The following ANKRD6 variants were observed in gnomAD, a reference collection of about 807,000 sequenced individuals.
ANKRD6 encodes the protein ankyrin repeat domain 6, also known as ankyrin repeat domain-containing protein 6.
In ANKRD6, 56 loss-of-function variants were observed where a neutral mutation model predicts 82.3. That is an observed-to-expected ratio of 0.68 (90% CI 0.55 to 0.85). The LOEUF is 0.85. Among genes scored for constraint, ANKRD6 ranks in the 40% least tolerant of loss-of-function variants. The pLI is 0.00. For missense variants in ANKRD6, 852 were observed against 907.6 expected (o/e 0.94, Z 0.79); for synonymous variants, 347 against 352.1 (o/e 0.99, Z 0.16).
intron 12 of ANKRD6, 194 bp from the exon 13 acceptor site, chr6:89,624,345 C>G: frequency 1.4e-6 from 1 of 712,776 alleles, no homozygotes; most frequent in Non-Finnish European, 2.3e-6. Context: ...GGGACCATAT[C>G]TTACCCTCTG....
intron 2 of ANKRD6, among the ~76,000 whole-genome samples, chr6:89,584,367 T>C (rs1420044374): frequency 6.6e-6 from 1 of 152,252 alleles, no homozygotes. Flanking sequence ...CAGGTGGTCT[T>C]ATTGGCGAAT....
chr6:89,543,670 T>C (rs1166332284), intron 1 of ANKRD6, among the ~76,000 whole-genome samples: 1 of 152,190 alleles, frequency 6.6e-6, no homozygotes, highest in African/African-American at 2.4e-5. Flanking sequence ...TGCAGGCTCC[T>C]TCCTCAACAA....
At chr6:89,442,786 G>T (rs1046155352) in intron 1 of ANKRD6, among the ~76,000 whole-genome samples, 2 of 152,168 alleles carry the variant, frequency 1.3e-5, no homozygotes, top group South Asian at 4.1e-4. Flanking sequence ...TACGATAAGG[G>T]GTTGTGGAGA....
At chr6:89,542,416 GTTA>G (rs1164595945) in intron 1 of ANKRD6, among the ~76,000 whole-genome samples, 1 of 152,128 alleles carries the variant, frequency 6.6e-6, no homozygotes, top group Non-Finnish European at 1.5e-5. Flanking sequence ...TTCTAATCCT[GTTA>G]TTCCTCTTTC....
intron 2 of ANKRD6, among the ~76,000 whole-genome samples, chr6:89,571,413 CTT>C (rs1242128914): frequency 6.6e-6 from 1 of 152,006 alleles, no homozygotes; most frequent in Admixed American, 6.6e-5. Flanking sequence ...TATTAAATGT[CTT>C]TTTATATGCT....
intron 2 of ANKRD6, among the ~76,000 whole-genome samples, chr6:89,580,883 T>C (rs1403358724): frequency 2.0e-5 from 3 of 152,218 alleles, no homozygotes; most frequent in Non-Finnish European, 4.4e-5. Flanking sequence ...TACAAGGTGG[T>C]TGGTCAGGTG....
chr6:89,510,235 A>G (rs1780368566), intron 1 of ANKRD6, among the ~76,000 whole-genome samples: 1 of 152,216 alleles, frequency 6.6e-6, no homozygotes, highest in African/African-American at 2.4e-5. Context: ...AAATCAACTT[A>G]TGTTATTTAG....
chr6:89,611,522 A>AT (rs143557166), intron 5 of ANKRD6, among the ~76,000 whole-genome samples: 5,583 of 152,152 alleles, frequency 0.037, 156 homozygotes, highest in South Asian at 0.13. Flanking sequence ...ATGTCCTGCA[A>AT]TTTTTTCCTG....
intron 1 of ANKRD6, among the ~76,000 whole-genome samples, chr6:89,493,548 T>G (rs1394829362): frequency 6.6e-6 from 1 of 152,178 alleles, no homozygotes; most frequent in Admixed American, 6.5e-5. Flanking sequence ...TAGCTGGGAC[T>G]ACAGGCATGC....
At chr6:89,600,553 T>G (rs1003981415) in intron 3 of ANKRD6, among the ~76,000 whole-genome samples, 13 of 152,066 alleles carry the variant, frequency 8.5e-5, no homozygotes, top group Non-Finnish European at 1.8e-4. Flanking sequence ...CTGTAAGAAG[T>G]GGAAATCTAA....
intron 4 of ANKRD6, among the ~76,000 whole-genome samples, chr6:89,604,448 CA>C (rs1383734235): frequency 6.8e-6 from 1 of 147,312 alleles, no homozygotes; most frequent in Non-Finnish European, 1.5e-5. Context: ...CAATTAAGTG[CA>C]ATTCAGCCTC....
At chr6:89,602,923 CTG>C in intron 3 of ANKRD6, 104 bp from the exon 4 acceptor site, 1 of 915,108 alleles carries the variant, frequency 1.1e-6, no homozygotes, top group Non-Finnish European at 1.7e-6. Flanking sequence ...CCGCTCTGCT[CTG>C]TGTGGGGACG....
intron 1 of ANKRD6, among the ~76,000 whole-genome samples, chr6:89,462,448 A>G (rs1381146081): frequency 1.3e-5 from 2 of 152,188 alleles, no homozygotes; most frequent in African/African-American, 4.8e-5. Context: ...TGCCTTAGAA[A>G]CAAAGACATC....
In ANKRD6 at chr6:89,576,786, C is replaced by T. The variant is rs546092956; in HGVS notation, c.120+9690C>T. 3.3e-5 allele frequency among the ~76,000 whole-genome samples: 5 copies of T among 152,236 alleles called. No individual in the cohort carries two copies. The East Asian group carries it at 9.7e-4, about 30-fold the overall frequency. On this transcript the variant is annotated intron_variant, in intron 2 of 15. Coordinates refer to ENST00000339746, the MANE Select transcript of ANKRD6 (RefSeq NM_001242809.2). ...TTGCTTTTCCTGCCTCTAAAATTGG[C>T]TTTCCTCAGGCCCTCTGCGCTCATC... is the stretch of plus-strand genomic sequence containing the variant.
intron 4 of ANKRD6, among the ~76,000 whole-genome samples, chr6:89,603,830 T>C (rs993241458): frequency 4.6e-5 from 7 of 151,630 alleles, no homozygotes; most frequent in African/African-American, 1.7e-4. Context: ...CACAAAAAAT[T>C]TGAAAATTAA....
chr6:89,622,044 C>G lies in ANKRD6; in HGVS notation c.897+18C>G. The G allele has an allele frequency of 1.9e-6, 3 of 1,607,344 alleles. No homozygotes were observed. Among genetic ancestry groups the G allele is most frequent in the Non-Finnish European group, 1.7e-6 (2 of 1,176,368 alleles). ...AAAGCAAGGTGGGGGGCAGTCCTCC[C>G]GCCGTCCCCACATCCACCCATGCTC... On this transcript the variant is annotated intron_variant, in intron 10 of 15. Transcript: ENST00000339746.
chr6:89,503,926 G>T (rs1474072473), intron 1 of ANKRD6, among the ~76,000 whole-genome samples: 2 of 152,116 alleles, frequency 1.3e-5, no homozygotes, highest in Non-Finnish European at 2.9e-5. Flanking sequence ...TGAGCCAAGG[G>T]AGCAGGAGGT....
intron 5 of ANKRD6, 72 bp from the exon 6 acceptor site, chr6:89,612,200 C>T: frequency 7.2e-7 from 1 of 1,387,966 alleles, no homozygotes; most frequent in Non-Finnish European, 9.9e-7. Flanking sequence ...AGTACTGCCC[C>T]TCTGCAAGGC....
intron 9 of ANKRD6, chr6:89,618,280 C>G (rs1802122165): frequency 9.1e-6 from 6 of 657,818 alleles, no homozygotes; most frequent in Non-Finnish European, 1.6e-5. Flanking sequence ...GGCCAGCTGC[C>G]TAGGTCATAG....
Sources: allele counts gnomAD v4.1 joint callset (sites outside exome capture counted in the v4.1 genomes callset), GRCh38; gene constraint gnomAD v4.1.1; transcripts MANE v1.5; gene names NCBI Gene and HGNC (gene_info 2026-07-23, HGNC 2026-07-21).